The following DPYSL2 variants were observed in gnomAD, a reference collection of about 807,000 sequenced individuals.
DPYSL2 encodes the protein dihydropyrimidinase-related protein 2.
Under a neutral mutation model 69.9 loss-of-function variants are expected in DPYSL2, and 13 were observed. That is an observed-to-expected ratio of 0.19 (90% CI 0.12 to 0.30). DPYSL2 has a LOEUF of 0.30. Among genes scored for constraint, DPYSL2 ranks in the 10% least tolerant of loss-of-function variants. The pLI is 1.00. For synonymous variants in DPYSL2, 326 were observed against 359.1 expected, an observed-to-expected ratio of 0.91 and a Z score of 1.04; for missense variants, 587 against 918.9, an observed-to-expected ratio of 0.64 and a Z score of 4.67.
chr8:26,614,919 C>G lies in DPYSL2; in HGVS notation c.629-9224C>G, dbSNP rs569437263. Among the ~76,000 whole-genome samples, 19 of 152,346 alleles carry G rather than the reference C, an allele frequency of 1.2e-4. No individual in the cohort carries two copies. Among genetic ancestry groups the G allele is most frequent in the African/African-American group, 4.3e-4 (18 of 41,584 alleles). Reference sequence around the variant, plus strand: ...TATGAAGGGATAAGACTGAATTTCACTTCTCAATTAACTAGCCCTCTTGCT... The same window carrying G: ...TATGAAGGGATAAGACTGAATTTCAGTTCTCAATTAACTAGCCCTCTTGCT... On this transcript the variant is annotated intron_variant, in intron 3 of 13. Transcript: ENST00000521913. This position sits in a 1 kb window ranked among gnomAD's most constrained non-coding sequence, Gnocchi z 4.9.
chr8:26,530,340 G>A (rs1334103660), intron 1 of DPYSL2, among the ~76,000 whole-genome samples: 1 of 152,120 alleles, frequency 6.6e-6, no homozygotes, highest in African/African-American at 2.4e-5. Context: ...GGCTGTCTTA[G>A]CTTCATCACA....
Position 26,647,954 on chromosome 8 carries a change from ATAGT to A in DPYSL2, c.1596+157_1596+160del, listed in dbSNP as rs751230222. Reference sequence around the variant, plus strand: ...TGATTTGCAATTTGCTGGGAAAAGAATAGTTATTTCATTTTCTTTAGTGAGGTCA... The same window carrying A: ...TGATTTGCAATTTGCTGGGAAAAGAATATTTCATTTTCTTTAGTGAGGTCA... On this transcript the variant is annotated intron_variant, in intron 11 of 13. Coordinates refer to ENST00000521913, the MANE Select transcript of DPYSL2 (RefSeq NM_001197293.3). This position sits in a 1 kb window ranked among gnomAD's most constrained non-coding sequence, Gnocchi z 5.1. Among the ~76,000 whole-genome samples, 16 of 152,224 alleles carry A rather than the reference ATAGT, an allele frequency of 1.1e-4. No homozygotes were observed. The highest frequency in any genetic ancestry group is 1.9e-4 in the Non-Finnish European group (13 of 68,038).
intron 8 of DPYSL2, among the ~76,000 whole-genome samples, chr8:26,635,695 C>T (rs77430800): frequency 6.6e-6 from 1 of 151,826 alleles, no homozygotes; most frequent in African/African-American, 2.4e-5. Flanking sequence ...TTTCTTCCTT[C>T]CTTTCTCCCT....
At chr8:26,573,552 C>T (rs545911786) in intron 1 of DPYSL2, among the ~76,000 whole-genome samples, 2 of 151,854 alleles carry the variant, frequency 1.3e-5, no homozygotes, top group Non-Finnish European at 2.9e-5. Context: ...ACCTGTAGTC[C>T]CAGCTACTCA....
intron 1 of DPYSL2, among the ~76,000 whole-genome samples, chr8:26,535,144 T>G (rs1800570801): frequency 6.6e-6 from 1 of 152,240 alleles, no homozygotes; most frequent in Admixed American, 6.5e-5. Flanking sequence ...GATTGGGTTC[T>G]GTTGAAGGAC....
rs980895585 is a variant in DPYSL2, at chr8:26,598,285, G to T, written c.628+14302G>T. Among the ~76,000 whole-genome samples the T allele has an allele frequency of 6.6e-6, 1 of 152,114 alleles. No homozygotes were observed. Among genetic ancestry groups the T allele is most frequent in the African/African-American group, 2.4e-5 (1 of 41,414 alleles). ...CGCATTACATCATCTACCTTTTCTTGTGTTCTTCTGTCGTCGAGAATCAAT... is the reference window on the plus strand; with the variant it reads ...CGCATTACATCATCTACCTTTTCTTTTGTTCTTCTGTCGTCGAGAATCAAT... On this transcript the variant is annotated intron_variant, in intron 3 of 13. Transcript: ENST00000521913. This position sits in a 1 kb window ranked among gnomAD's most constrained non-coding sequence, Gnocchi z 4.2.
rs888986766 is a variant in DPYSL2 at position 26,598,429 on chromosome 8, G to A, written c.628+14446G>A. On this transcript the variant is annotated intron_variant, in intron 3 of 13. Coordinates refer to ENST00000521913, the MANE Select transcript of DPYSL2 (RefSeq NM_001197293.3). The surrounding 1 kb of genome is among the most constrained non-coding windows in gnomAD (Gnocchi z 4.2). ...CCTATTCAGCTCTGTTTTTTAGAGA[G>A]TTCTTTTCCCTCCTGCTCTATGAAA... Among the ~76,000 whole-genome samples the A allele has an allele frequency of 6.6e-6, 1 of 152,118 alleles. No individual in the cohort carries two copies. Among genetic ancestry groups the A allele is most frequent in the African/African-American group, 2.4e-5 (1 of 41,430 alleles).
Position 26,609,407 on chromosome 8 carries a change from A to G in DPYSL2, c.629-14736A>G, listed in dbSNP as rs985827915. 6.6e-6 allele frequency among the ~76,000 whole-genome samples: 1 copy of G among 152,152 alleles called. No homozygotes were observed. The highest frequency in any genetic ancestry group is 2.4e-5 in the African/African-American group (1 of 41,428). The stretch of plus-strand genomic sequence containing the variant: ...TCTTCTGTGGGGGCTGCAAGTCCTT[A>G]AGTTATAGTTGGATTCCCTTCCCAG... On this transcript the variant is annotated intron_variant, in intron 3 of 13. Transcript: ENST00000521913. This position sits in a 1 kb window ranked among gnomAD's most constrained non-coding sequence, Gnocchi z 6.5.
At chr8:26,568,374 T>C (rs1381305486) in intron 1 of DPYSL2, among the ~76,000 whole-genome samples, 2 of 152,164 alleles carry the variant, frequency 1.3e-5, no homozygotes, top group Non-Finnish European at 2.9e-5. Context: ...GGACTGTGTA[T>C]GGGGAACTTG....
intron 3 of DPYSL2, among the ~76,000 whole-genome samples, chr8:26,616,707 C>T (rs867671425): frequency 8.3e-4 from 126 of 152,272 alleles, no homozygotes; most frequent in African/African-American, 2.8e-3. Context: ...GAGGCGGGGT[C>T]GGAGGGCTGA....
intron 1 of DPYSL2, chr8:26,578,475 G>C (rs756603295): frequency 2.1e-5 from 31 of 1,455,596 alleles, no homozygotes; most frequent in Non-Finnish European, 2.8e-5. Flanking sequence ...TCCAGGATTA[G>C]AAGTCGCATC....
At position 26,624,181 on chromosome 8, in the gene DPYSL2, G is replaced by A. The variant is rs2228979; in HGVS notation, c.667G>A (p.Ala223Thr). 2.0e-3 allele frequency: 3,221 copies of A among 1,614,186 alleles called. 111 individuals carry two copies. The East Asian group carries it at 0.06, about 30-fold the overall frequency. The change falls in exon 4 of 14, where the codon GCT becomes ACT. Residue 223 changes from alanine (A) to threonine (T), a missense_variant. Transcript: ENST00000521913. The surrounding 1 kb of genome is among the most constrained non-coding windows in gnomAD (Gnocchi z 4.7). ...VVPEPGTSLL[A>T]AFDQWREWAD... ...TCCTGAGCCTGGGACAAGCCTGCTCGCTGCCTTTGACCAGTGGAGGGAATG... is the reference window on the plus strand; with the variant it reads ...TCCTGAGCCTGGGACAAGCCTGCTCACTGCCTTTGACCAGTGGAGGGAATG...
chr8:26,627,399 A>C lies in DPYSL2; in HGVS notation c.936+104A>C, dbSNP rs1177085013. 1.6e-6 allele frequency: 2 copies of C among 1,230,612 alleles called. No individual in the cohort carries two copies. Among genetic ancestry groups the C allele is most frequent in the Non-Finnish European group, 2.4e-6 (2 of 846,668 alleles). 76.2% of individuals were successfully genotyped at this position (1,230,612 alleles called of 1,614,324 possible). On this transcript the variant is annotated intron_variant, in intron 6 of 13. Transcript: ENST00000521913. This position sits in a 1 kb window ranked among gnomAD's most constrained non-coding sequence, Gnocchi z 6.9. ...TAGCTTAACACCAAGGTGGAAAAGC[A>C]GAGGGACCTGGTGTTCCCTTGCTGG...
Position 26,594,105 on chromosome 8 carries a change from C to A in DPYSL2, c.628+10122C>A, listed in dbSNP as rs533468704. 3.3e-5 allele frequency among the ~76,000 whole-genome samples: 5 copies of A among 152,282 alleles called. No homozygotes were observed. In the South Asian group the frequency reaches 1.0e-3, roughly 32 times the overall value. ...AGAATCAGATCTAAGTTTAACTTCC[C>A]TTTCTAGTGCTTTCTGTCTGAGCGT... On this transcript the variant is annotated intron_variant, in intron 3 of 13. Coordinates refer to ENST00000521913, the MANE Select transcript of DPYSL2 (RefSeq NM_001197293.3).
Position 26,514,574 on chromosome 8 carries a change from G to A in DPYSL2, c.249G>A (p.Ser83=). 1 of 1,525,226 alleles carries A rather than the reference G, an allele frequency of 6.6e-7. No homozygotes were observed. Among genetic ancestry groups the A allele is most frequent in the East Asian group, 2.5e-5 (1 of 40,282 alleles). 94.5% of individuals were successfully genotyped at this position (1,525,226 alleles called of 1,614,324 possible). Residue 83 remains serine (S), a synonymous_variant, in exon 1 of 14, where the codon TCG becomes TCA. Transcript: ENST00000521913. This position sits in a 1 kb window ranked among gnomAD's most constrained non-coding sequence, Gnocchi z 8.4. ...GCCCGGACCCGCAGCCGCCGTACTC[G>A]CGGCAGGGCCGGCGCGCCGGCGGAG... ...HLGPDPQPPY[S]RQGRRAGGEP...
intron 1 of DPYSL2, chr8:26,578,036 T>G: frequency 7.1e-7 from 1 of 1,418,238 alleles, no homozygotes; most frequent in Non-Finnish European, 9.1e-7. Flanking sequence ...CCGCCCTAGC[T>G]GGGGCTGTGT....
intron 7 of DPYSL2, among the ~76,000 whole-genome samples, chr8:26,631,575 A>G (rs1160556926): frequency 6.6e-6 from 1 of 152,170 alleles, no homozygotes; most frequent in African/African-American, 2.4e-5. Context: ...AACCATTTTT[A>G]CGTGATTAGG....
chr8:26,531,854 T>C (rs976263333), intron 1 of DPYSL2, among the ~76,000 whole-genome samples: 4 of 152,074 alleles, frequency 2.6e-5, no homozygotes, highest in Non-Finnish European at 5.9e-5. Context: ...TAGGTGCCGG[T>C]CTTGGTGGGA....
Position 26,516,801 on chromosome 8 carries a change from G to A in DPYSL2, c.354+2122G>A, listed in dbSNP as rs1808297603. Among the ~76,000 whole-genome samples the A allele has an allele frequency of 6.6e-6, 1 of 152,120 alleles. No individual in the cohort carries two copies. The highest frequency in any genetic ancestry group is 2.1e-4 in the South Asian group (1 of 4,826). On this transcript the variant is annotated intron_variant, in intron 1 of 13. Coordinates refer to ENST00000521913, the MANE Select transcript of DPYSL2 (RefSeq NM_001197293.3). This position sits in a 1 kb window ranked among gnomAD's most constrained non-coding sequence, Gnocchi z 4.8. ...TGTTTAATCTTGCCTTATCATATAAGGCCTACTCAATGAGATTTTGTCATT... is the reference window on the plus strand; with the variant it reads ...TGTTTAATCTTGCCTTATCATATAAAGCCTACTCAATGAGATTTTGTCATT...
Sources: allele counts gnomAD v4.1 joint callset (sites outside exome capture counted in the v4.1 genomes callset), GRCh38; gene constraint gnomAD v4.1.1; non-coding constraint Gnocchi (gnomAD v3.1); transcripts MANE v1.5; gene names NCBI Gene and HGNC (gene_info 2026-07-23, HGNC 2026-07-21).